Variants in CNTLN observed in about 807,000 individuals in gnomAD.
CNTLN encodes centlein, centrosomal protein.
A neutral mutation model predicts 180.0 loss-of-function variants in CNTLN; 212 were observed. That is an observed-to-expected ratio of 1.18 (90% CI 1.05 to 1.32). The LOEUF is 1.32. CNTLN is among the 40% of genes most tolerant of loss of function. The pLI is 0.00. For synonymous variants in CNTLN, 722 were observed against 563.1 expected, an observed-to-expected ratio of 1.28 and a Z score of -3.99; for missense variants, 2,095 against 1,610.9, an observed-to-expected ratio of 1.30 and a Z score of -5.14.
chr9:17,499,302 A>G lies in CNTLN; in HGVS notation c.4120-3249A>G, dbSNP rs145423887. Among the ~76,000 whole-genome samples the G allele has an allele frequency of 6.7e-3, 1,015 of 152,226 alleles. 13 individuals carry two copies. Among genetic ancestry groups the G allele is most frequent in the African/African-American group, 0.024 (993 of 41,500 alleles). ...GTTCCATCTGACTTTCAGGTTAACT[A>G]TAATTTATGATGTTTAAGAGTTAGC... On this transcript the variant is annotated intron_variant, in intron 25 of 25. Coordinates refer to ENST00000380647, the MANE Select transcript of CNTLN (RefSeq NM_017738.4).
At chr9:17,455,848 G>A (rs531372093) in intron 18 of CNTLN, among the ~76,000 whole-genome samples, 1 of 147,400 alleles carries the variant, frequency 6.8e-6, no homozygotes, top group Non-Finnish European at 1.5e-5. Flanking sequence ...GGCTTCATGT[G>A]ATGCCTGACT....
intron 2 of CNTLN, among the ~76,000 whole-genome samples, chr9:17,193,212 G>A (rs780269375): frequency 2.0e-5 from 3 of 151,996 alleles, no homozygotes; most frequent in Non-Finnish European, 2.9e-5. Flanking sequence ...CGGCCCCTCC[G>A]CATGTCATGT....
intron 1 of CNTLN, among the ~76,000 whole-genome samples, chr9:17,136,694 A>G (rs1192686249): frequency 6.6e-6 from 1 of 152,206 alleles, no homozygotes; most frequent in Admixed American, 6.5e-5. Context: ...TAAAAATGGG[A>G]CCATCTTCAA....
chr9:17,357,553 G>T (rs1011272714), intron 12 of CNTLN, among the ~76,000 whole-genome samples: 2 of 142,176 alleles, frequency 1.4e-5, no homozygotes, highest in African/African-American at 2.6e-5. Flanking sequence ...ACATATTTTG[G>T]GTACCATGTA....
chr9:17,375,302 A>C (rs1008977860), intron 13 of CNTLN, among the ~76,000 whole-genome samples: 1 of 152,308 alleles, frequency 6.6e-6, no homozygotes, highest in East Asian at 1.9e-4. Context: ...GGGAATAATT[A>C]ATGGATTACA....
chr9:17,316,692 T>C (rs1263818675), intron 8 of CNTLN, among the ~76,000 whole-genome samples: 5 of 152,142 alleles, frequency 3.3e-5, no homozygotes, highest in Admixed American at 2.0e-4. Context: ...CTATTTTTAA[T>C]ATGTGTTATG....
rs28417737 is a variant in CNTLN at position 17,223,479 on chromosome 9, T to A, written c.450-2724T>A. On this transcript the variant is annotated intron_variant, in intron 2 of 25. Coordinates refer to ENST00000380647, the MANE Select transcript of CNTLN (RefSeq NM_017738.4). ...CCGTCCACCAAACTTCTTCTCTGTG[T>A]CTCAGATAATGTCTGCTCCATTCTT... 1.0e-3 allele frequency among the ~76,000 whole-genome samples: 152 copies of A among 152,146 alleles called. 1 individual carries two copies. Among genetic ancestry groups the A allele is most frequent in the African/African-American group, 3.5e-3 (144 of 41,552 alleles).
chr9:17,262,594 G>T (rs1157656671), intron 5 of CNTLN, among the ~76,000 whole-genome samples: 2 of 151,414 alleles, frequency 1.3e-5, no homozygotes, highest in Non-Finnish European at 2.9e-5. Flanking sequence ...GGGAAGGGGA[G>T]GGAGAGCATT....
At chr9:17,291,744 C>G (rs1288707445) in intron 6 of CNTLN, among the ~76,000 whole-genome samples, 1 of 152,166 alleles carries the variant, frequency 6.6e-6, no homozygotes, top group Non-Finnish European at 1.5e-5. Flanking sequence ...GTTGATGAGT[C>G]TTGACTCTTT....
At position 17,135,381 on chromosome 9, in the gene CNTLN, G is replaced by A. The variant is rs1586875448; in HGVS notation, c.316G>A (p.Glu106Lys). Residue 106 changes from glutamate to lysine, a missense_variant, in exon 1 of 26, where the codon GAG becomes AAG. Glu to Lys is a moderately conservative substitution (Grantham distance 56). Transcript: ENST00000380647. The stretch of plus-strand genomic sequence containing the variant: ...GATGGTGACCCGGACGCAGCTGCTG[G>A]AGGAAGAGCTGAGCAGCCTAAAGGA... Reference protein sequence around the residue: ...EAMVTRTQLLEEELSSLKEEL... With the variant: ...EAMVTRTQLLKEELSSLKEEL... 1 of 1,599,278 alleles carries A rather than the reference G, an allele frequency of 6.3e-7. No individual in the cohort carries two copies. The highest frequency in any genetic ancestry group is 8.5e-7 in the Non-Finnish European group (1 of 1,173,924).
intron 18 of CNTLN, among the ~76,000 whole-genome samples, chr9:17,430,703 G>C (rs935480558): frequency 6.6e-6 from 1 of 151,946 alleles, no homozygotes; most frequent in African/African-American, 2.4e-5. Flanking sequence ...TCACCCCGAC[G>C]CCTGCCACCC....
intron 23 of CNTLN, among the ~76,000 whole-genome samples, chr9:17,481,491 C>A (rs1832644771): frequency 2.0e-5 from 3 of 152,194 alleles, no homozygotes; most frequent in Non-Finnish European, 4.4e-5. Flanking sequence ...AACCACACAG[C>A]AAAGCCAGTA....
chr9:17,469,288 A>G (rs1260231666), intron 23 of CNTLN, among the ~76,000 whole-genome samples: 1 of 151,800 alleles, frequency 6.6e-6, no homozygotes, highest in African/African-American at 2.4e-5. Context: ...ATAACTCATG[A>G]CTTCCAATGG....
chr9:17,290,888 A>C (rs1331413848), intron 6 of CNTLN, among the ~76,000 whole-genome samples: 1 of 152,158 alleles, frequency 6.6e-6, no homozygotes, highest in Admixed American at 6.5e-5. Context: ...GCGTGCACCC[A>C]CTGGCCTGCG....
chr9:17,249,225 T>C (rs1260402734), intron 5 of CNTLN, among the ~76,000 whole-genome samples: 1 of 152,166 alleles, frequency 6.6e-6, no homozygotes, highest in Non-Finnish European at 1.5e-5. Flanking sequence ...TAAATTTCCT[T>C]CTGAGCAACT....
At chr9:17,169,507 T>G (rs528873921) in intron 2 of CNTLN, among the ~76,000 whole-genome samples, 90 of 152,336 alleles carry the variant, frequency 5.9e-4, no homozygotes, top group Non-Finnish European at 1.2e-3. Flanking sequence ...TTTTCCCTAT[T>G]GTTTTTTCTA....
chr9:17,274,884 G>T (rs1481478245), intron 6 of CNTLN, among the ~76,000 whole-genome samples: 1 of 152,028 alleles, frequency 6.6e-6, no homozygotes, highest in Admixed American at 6.6e-5. Context: ...TGTGAATTTA[G>T]TTTGGATGAA....
chr9:17,424,402 C>T (rs986403738), intron 18 of CNTLN, among the ~76,000 whole-genome samples: 71 of 151,882 alleles, frequency 4.7e-4, no homozygotes, highest in East Asian at 1.2e-3. Context: ...TTTTTTGTTC[C>T]AATAATATTA....
At chr9:17,186,490 T>C (rs1378668580) in intron 2 of CNTLN, among the ~76,000 whole-genome samples, 2 of 152,224 alleles carry the variant, frequency 1.3e-5, no homozygotes, top group African/African-American at 2.4e-5. Context: ...AAATATTTAT[T>C]GAATATCTAC....
Sources: allele counts gnomAD v4.1 joint callset (sites outside exome capture counted in the v4.1 genomes callset), GRCh38; gene constraint gnomAD v4.1.1; transcripts MANE v1.5; gene names NCBI Gene and HGNC (gene_info 2026-07-23, HGNC 2026-07-21).